Variants in MYO5B observed in about 807,000 individuals in gnomAD.
MYO5B encodes the protein myosin VB.
A neutral mutation model predicts 229.3 loss-of-function variants in MYO5B; 143 were observed. That is an observed-to-expected ratio of 0.62 (90% CI 0.54 to 0.72). The LOEUF is 0.72. MYO5B is among the 30% of genes least tolerant of loss of function. The pLI, the probability that MYO5B is intolerant of heterozygous loss-of-function variation, is 0.00. For synonymous variants in MYO5B, 918 were observed against 885.2 expected (o/e 1.04, Z -0.66); for missense variants, 2,321 against 2,331.0 (o/e 1.00, Z 0.09).
intron 1 of MYO5B, among the ~76,000 whole-genome samples, chr18:50,186,723 AT>A (rs1278952607): frequency 6.6e-6 from 1 of 152,210 alleles, no homozygotes; most frequent in Non-Finnish European, 1.5e-5. Flanking sequence ...CTTCACATGG[AT>A]TAGGATTATA....
At chr18:49,852,496 C>T (rs1000033745) in intron 31 of MYO5B, among the ~76,000 whole-genome samples, 3 of 152,198 alleles carry the variant, frequency 2.0e-5, no homozygotes, top group African/African-American at 7.2e-5. Context: ...TGGGACCCCA[C>T]TTTTCCTCTT....
chr18:50,180,460 C>T (rs1473696254), intron 1 of MYO5B, among the ~76,000 whole-genome samples: 2 of 152,176 alleles, frequency 1.3e-5, no homozygotes, highest in Non-Finnish European at 2.9e-5. Flanking sequence ...AAAACCCAGG[C>T]CAATCCCCCA....
chr18:49,878,832 T>A, intron 24 of MYO5B, 113 bp downstream of exon 24: 1 of 1,296,168 alleles, frequency 7.7e-7, no homozygotes, highest in Non-Finnish European at 1.1e-6. Context: ...GCTGCACATA[T>A]GACACATGGA....
At chr18:50,073,284 T>C (rs983092603) in intron 1 of MYO5B, among the ~76,000 whole-genome samples, 3 of 152,204 alleles carry the variant, frequency 2.0e-5, no homozygotes, top group Non-Finnish European at 2.9e-5. Flanking sequence ...ATATCAATTT[T>C]ATCACTCAAC....
At chr18:49,897,862 G>GT (rs1358276462) in intron 21 of MYO5B, among the ~76,000 whole-genome samples, 1 of 152,180 alleles carries the variant, frequency 6.6e-6, no homozygotes, top group Non-Finnish European at 1.5e-5. Context: ...GGAGTGGAAA[G>GT]TAATGTCCTG....
intron 1 of MYO5B, among the ~76,000 whole-genome samples, chr18:50,185,300 AAAG>A (rs1310265615): frequency 6.6e-6 from 1 of 151,984 alleles, no homozygotes; most frequent in Admixed American, 6.6e-5. Context: ...AAAAAAAAAA[AAAG>A]AGAGAGAGAG....
intron 33 of MYO5B, among the ~76,000 whole-genome samples, chr18:49,845,536 T>C (rs1475162481): frequency 6.6e-6 from 1 of 152,190 alleles, no homozygotes; most frequent in African/African-American, 2.4e-5. Flanking sequence ...AAGCCTCACA[T>C]TTGAGAAGGG....
chr18:50,181,016 T>A (rs894763854), intron 1 of MYO5B, among the ~76,000 whole-genome samples: 2 of 152,340 alleles, frequency 1.3e-5, no homozygotes, highest in East Asian at 3.9e-4. Context: ...GCACCTGTCA[T>A]CCTGCCTGAC....
rs2032897397 is a variant in MYO5B at position 50,169,528 on chromosome 18, G to A, written c.27+25239C>T. On this transcript the variant is annotated intron_variant, in intron 1 of 39. Coordinates refer to ENST00000285039, the MANE Select transcript of MYO5B (RefSeq NM_001080467.3). ...ATCCAGAGAAAAAGACATGGCCCAA[G>A]TGGAGAGCCTCTCTACAGTGACTGG... Among the ~76,000 whole-genome samples the A allele has an allele frequency of 1.6e-5, 2 of 126,830 alleles. 1 individual carries two copies. Among genetic ancestry groups the A allele is most frequent in the Non-Finnish European group, 3.4e-5 (2 of 59,678 alleles). 83.2% of individuals were successfully genotyped at this position (126,830 alleles called of 152,430 possible).
chr18:50,062,284 G>A (rs1568091447), intron 1 of MYO5B, among the ~76,000 whole-genome samples: 1 of 152,204 alleles, frequency 6.6e-6, no homozygotes, highest in African/African-American at 2.4e-5. Flanking sequence ...TTGACCGGAA[G>A]CAGGGCAGTC....
chr18:50,108,702 C>T (rs528394946), intron 1 of MYO5B, among the ~76,000 whole-genome samples: 31 of 152,116 alleles, frequency 2.0e-4, no homozygotes, highest in Non-Finnish European at 4.4e-4. Flanking sequence ...GCAATTATCT[C>T]GGGTTCTAAT....
chr18:50,021,590 T>C (rs78128067), intron 4 of MYO5B, among the ~76,000 whole-genome samples: 1,988 of 152,242 alleles, frequency 0.013, 50 homozygotes, highest in African/African-American at 0.045. Context: ...AGTTTGGGTG[T>C]CACGCTCTGT....
chr18:49,945,288 C>T (rs990302865), intron 14 of MYO5B, among the ~76,000 whole-genome samples: 5 of 152,162 alleles, frequency 3.3e-5, no homozygotes, highest in Admixed American at 6.5e-5. Context: ...AATTCCAGCT[C>T]GCTCTTCTTT....
At chr18:50,060,722 T>A (rs1427453999) in intron 1 of MYO5B, among the ~76,000 whole-genome samples, 3 of 152,186 alleles carry the variant, frequency 2.0e-5, no homozygotes, top group Non-Finnish European at 1.5e-5. Flanking sequence ...CCAGCAGCTG[T>A]TCTCCTACAT....
intron 21 of MYO5B, among the ~76,000 whole-genome samples, chr18:49,899,926 T>A (rs371567106): frequency 8.8e-4 from 82 of 92,892 alleles, no homozygotes; most frequent in Admixed American, 1.4e-3. Flanking sequence ...AAGCTTTTTT[T>A]ATTTTTTTTT....
chr18:49,998,498 G>GGCC (rs2026013412), intron 5 of MYO5B, among the ~76,000 whole-genome samples: 1 of 152,140 alleles, frequency 6.6e-6, no homozygotes, highest in Admixed American at 6.5e-5. Context: ...GGCCTACTCA[G>GGCC]GCTATAATGG....
intron 4 of MYO5B, among the ~76,000 whole-genome samples, chr18:50,031,251 T>A (rs939591821): frequency 6.6e-6 from 1 of 152,212 alleles, no homozygotes; most frequent in Non-Finnish European, 1.5e-5. Context: ...AGATTGGGTC[T>A]GGGTTCCATC....
chr18:50,004,582 C>T (rs2026081114), intron 4 of MYO5B, among the ~76,000 whole-genome samples: 1 of 152,150 alleles, frequency 6.6e-6, no homozygotes, highest in Non-Finnish European at 1.5e-5. Context: ...AGCTTTATTG[C>T]ACTTCTTTTG....
intron 10 of MYO5B, among the ~76,000 whole-genome samples, chr18:49,966,149 G>A (rs907629689): frequency 9.9e-5 from 15 of 152,256 alleles, no homozygotes; most frequent in Middle Eastern, 3.4e-3. Context: ...CAAAGGGGCC[G>A]GGCCGGTGCC....
Sources: gnomAD v4.1 joint callset for allele counts (sites outside exome capture counted in the v4.1 genomes callset) on GRCh38, gnomAD v4.1.1 for gene constraint, MANE v1.5 for transcripts, NCBI Gene and HGNC (gene_info 2026-07-23, HGNC 2026-07-21) for gene names.